Variants in SLC25A36 observed in about 807,000 individuals in gnomAD.
The protein encoded by SLC25A36 is epididymis secretory sperm binding protein.
A neutral mutation model predicts 35.3 loss-of-function variants in SLC25A36; 24 were observed. The ratio of observed to expected loss-of-function variants is 0.68; its 90% CI spans 0.49 to 0.96. The LOEUF (loss-of-function observed/expected upper bound fraction) is 0.96, where lower values mean the gene tolerates loss of function less well. SLC25A36 is among the 40% of genes least tolerant of loss of function. The pLI is 0.00. For missense variants in SLC25A36, 294 were observed against 381.1 expected, an observed-to-expected ratio of 0.77 and a Z score of 1.90; for synonymous variants, 141 against 132.2, an observed-to-expected ratio of 1.07 and a Z score of -0.46.
intron 1 of SLC25A36, 35 bp from the exon 2 acceptor site, chr3:140,956,492 A>G (rs1323326908): frequency 2.0e-6 from 3 of 1,522,378 alleles, no homozygotes; most frequent in Non-Finnish European, 2.6e-6. Flanking sequence ...TGAATTAAGT[A>G]GATAAGCTGT....
intron 2 of SLC25A36, 77 bp from the exon 3 acceptor site, chr3:140,959,386 C>CT (rs778247978): frequency 1.2e-6 from 1 of 816,302 alleles, no homozygotes; most frequent in Non-Finnish European, 1.9e-6. Context: ...GATTTAGACT[C>CT]TAACTTTATA....
intron 5 of SLC25A36, chr3:140,972,633 A>G (rs1420399154): frequency 6.6e-6 from 1 of 152,032 alleles, no homozygotes; most frequent in Non-Finnish European, 1.5e-5. Flanking sequence ...AAAAAAGAAA[A>G]AGAAAAAAAT....
intron 5 of SLC25A36, among the ~76,000 whole-genome samples, chr3:140,971,194 G>GTTGTTTTGTTTTGTT (rs112026148): frequency 1.1e-4 from 17 of 152,028 alleles, no homozygotes; most frequent in African/African-American, 4.1e-4. Context: ...ATTAATATGT[G>GTTGTTTTGTTTTGTT]TTGTTTTGTT....
At position 140,978,717 on chromosome 3, in the gene SLC25A36, T is replaced by C. The variant is rs922038711; in HGVS notation, c.*2264T>C. The C allele has an allele frequency of 2.0e-5, 3 of 152,200 alleles. No individual in the cohort carries two copies. The highest frequency in any genetic ancestry group is 2.9e-5 in the Non-Finnish European group (2 of 68,026). The allele number at this position is 152,200 out of a possible 1,614,324, so 9.4% of individuals were successfully genotyped here. A position where few individuals can be genotyped will look rare whatever the true frequency, so the allele number is the denominator to read the frequency against. On this transcript the variant is annotated 3_prime_UTR_variant, in exon 7 of 7. Transcript: ENST00000324194. Reference sequence around the variant, plus strand: ...ATCTTAGAGTCTTGGACATTGTTTATTTGTGCAACAACTAGAAAGGAGCAA... The same window carrying C: ...ATCTTAGAGTCTTGGACATTGTTTACTTGTGCAACAACTAGAAAGGAGCAA...
At chr3:140,961,652 G>A (rs922739221) in intron 3 of SLC25A36, among the ~76,000 whole-genome samples, 30 of 151,740 alleles carry the variant, frequency 2.0e-4, no homozygotes, top group African/African-American at 6.5e-4. Flanking sequence ...TCAGGAGATC[G>A]AGACCATCCT....
At chr3:140,950,430 G>T (rs1029384755) in intron 1 of SLC25A36, among the ~76,000 whole-genome samples, 1 of 151,532 alleles carries the variant, frequency 6.6e-6, no homozygotes, top group Non-Finnish European at 1.5e-5. Context: ...ATCTTGATTG[G>T]TTTTTTTTCA....
intron 2 of SLC25A36, among the ~76,000 whole-genome samples, chr3:140,959,113 T>A (rs1274859874): frequency 1.3e-5 from 2 of 151,160 alleles, no homozygotes; most frequent in African/African-American, 2.4e-5. Flanking sequence ...CCTTCCAAAT[T>A]CAAGCGATTC....
At chr3:140,957,734 C>G (rs1934513414) in intron 2 of SLC25A36, among the ~76,000 whole-genome samples, 1 of 152,004 alleles carries the variant, frequency 6.6e-6, no homozygotes, top group Admixed American at 6.6e-5. Context: ...CAGTGAGACT[C>G]TGTCTCAGAA....
At chr3:140,956,791 A>G in intron 2 of SLC25A36, 100 bp downstream of exon 2, 1 of 1,445,938 alleles carries the variant, frequency 6.9e-7, no homozygotes, top group Non-Finnish European at 9.1e-7. Flanking sequence ...ATGATTTTTT[A>G]TAAACCTATT....
intron 1 of SLC25A36, among the ~76,000 whole-genome samples, chr3:140,952,206 C>A (rs1338164612): frequency 6.6e-6 from 1 of 151,844 alleles, no homozygotes; most frequent in African/African-American, 2.4e-5. Context: ...TCAGTAGAGA[C>A]GGGGTTTTAT....
At chr3:140,970,690 A>G (rs1434183084) in intron 4 of SLC25A36, 2 of 321,390 alleles carry the variant, frequency 6.2e-6, no homozygotes, top group East Asian at 6.0e-5. Context: ...TGGGAAAGCA[A>G]TTTATATTCA....
rs1427688010 is a variant in SLC25A36 at position 140,980,125 on chromosome 3, C to G, written c.*3672C>G. 6.6e-6 allele frequency among the ~76,000 whole-genome samples: 1 copy of G among 152,054 alleles called. No homozygotes were observed. Among genetic ancestry groups the G allele is most frequent in the Non-Finnish European group, 1.5e-5 (1 of 68,012 alleles). ...TAGATCTAGTGATGTCTGAAGGAAC[C>G]CAAAGGTCAAGTAATCCAACTCCCT... On this transcript the variant is annotated 3_prime_UTR_variant, in exon 7 of 7. Coordinates refer to ENST00000324194, the MANE Select transcript of SLC25A36 (RefSeq NM_001104647.3).
chr3:140,973,959 T>C lies in SLC25A36; in HGVS notation c.696T>C (p.Ala232=). 1.3e-6 allele frequency: 2 copies of C among 1,594,800 alleles called. No homozygotes were observed. The highest frequency in any genetic ancestry group is 1.7e-6 in the Non-Finnish European group (2 of 1,167,946). ...EASDFVGMML[A]AATSKTCATT... ...CAGATTTTGTGGGAATGATGCTAGC[T>C]GCTGCCACCTCAAAAACTTGTGCCA... The change falls in exon 6 of 7, where the codon GCT becomes GCC. Residue 232 remains alanine (A), a synonymous_variant. Coordinates refer to ENST00000324194, the MANE Select transcript of SLC25A36 (RefSeq NM_001104647.3).
At chr3:140,968,749 G>GTT (rs1344285724) in intron 4 of SLC25A36, 31 of 950,026 alleles carry the variant, frequency 3.3e-5, no homozygotes, top group Non-Finnish European at 3.9e-5. Flanking sequence ...TAAAATTTAT[G>GTT]TTTTTAGAAG....
intron 4 of SLC25A36, chr3:140,968,532 C>A: frequency 2.1e-6 from 2 of 960,734 alleles, no homozygotes; most frequent in Non-Finnish European, 2.5e-6. Flanking sequence ...GTGAGAAATA[C>A]CTGTTGTTTG....
chr3:140,942,059 GC>G lies in SLC25A36; in HGVS notation c.7del (p.Gln3ArgfsTer21). ...GGAGGACATGCGGGAGAGAGAATGAGCCAGAGGGACACGCTGGTGCATCTGT... is the reference window on the plus strand; with the variant it reads ...GGAGGACATGCGGGAGAGAGAATGAGCAGAGGGACACGCTGGTGCATCTGT... M[S>X]QRDTLVHLFA... On this transcript the variant is annotated frameshift_variant, in exon 1 of 7. Transcript: ENST00000324194. LOFTEE classifies it high-confidence loss of function. The G allele has an allele frequency of 6.7e-7, 1 of 1,493,674 alleles. No individual in the cohort carries two copies. Among genetic ancestry groups the G allele is most frequent in the Non-Finnish European group, 9.0e-7 (1 of 1,108,550 alleles). 92.5% of individuals were successfully genotyped at this position (1,493,674 alleles called of 1,614,324 possible). A position where few individuals can be genotyped will look rare whatever the true frequency, so the allele number is the denominator to read the frequency against.
At chr3:140,952,635 A>G (rs1340303582) in intron 1 of SLC25A36, among the ~76,000 whole-genome samples, 1 of 152,196 alleles carries the variant, frequency 6.6e-6, no homozygotes, top group African/African-American at 2.4e-5. Flanking sequence ...GTGCCACTTT[A>G]CAAAATGCTT....
rs537169873 is a variant in SLC25A36 at position 140,945,586 on chromosome 3, T to C, written c.41+3491T>C. Among the ~76,000 whole-genome samples the C allele has an allele frequency of 8.0e-4, 122 of 152,202 alleles. 1 individual carries two copies. Among genetic ancestry groups the C allele is most frequent in the Non-Finnish European group, 6.6e-4 (45 of 68,024 alleles). ...TTGTTGTGGTCTGAGAGTTTAAAAC[T>C]ATTTTCATAAAAATACATTATTGGC... On this transcript the variant is annotated intron_variant, in intron 1 of 6. Coordinates refer to ENST00000324194, the MANE Select transcript of SLC25A36 (RefSeq NM_001104647.3).
At chr3:140,959,651 A>G (rs183971220) in intron 3 of SLC25A36, 111 bp downstream of exon 3, 478 of 478,108 alleles carry the variant, frequency 1.0e-3, no homozygotes, top group African/African-American at 8.0e-3. Context: ...GTAGTATTCA[A>G]TGTTTATGGG....
Sources: allele counts gnomAD v4.1 joint callset (sites outside exome capture counted in the v4.1 genomes callset), GRCh38; gene constraint gnomAD v4.1.1; transcripts MANE v1.5; gene names NCBI Gene and HGNC (gene_info 2026-07-23, HGNC 2026-07-21).